NFATC3: variants seen among roughly 807,000 people sequenced by gnomAD.
NFATC3 encodes nuclear factor of activated T-cells, cytoplasmic 3.
Under a neutral mutation model 98.6 loss-of-function variants are expected in NFATC3, and 46 were observed. That is an observed-to-expected ratio of 0.47 (90% CI 0.37 to 0.60). NFATC3 has a LOEUF of 0.60. NFATC3 is among the 20% of genes least tolerant of loss of function. NFATC3 has a pLI of 0.00. For missense variants in NFATC3, 1,256 were observed against 1,295.5 expected (o/e 0.97, Z 0.47); for synonymous variants, 512 against 472.2 (o/e 1.08, Z -1.09).
chr16:68,217,818 G>A (rs1219496204), intron 9 of NFATC3: 30 of 1,231,164 alleles, frequency 2.4e-5, no homozygotes, highest in African/African-American at 3.1e-5. Flanking sequence ...AGGAAGATAC[G>A]TACATCGCTT....
chr16:68,176,886 C>T (rs1598511768), intron 6 of NFATC3, among the ~76,000 whole-genome samples: 1 of 152,238 alleles, frequency 6.6e-6, no homozygotes, highest in East Asian at 1.9e-4. Flanking sequence ...CAGAGCTCAC[C>T]TCCAAAACCT....
chr16:68,155,306 T>A (rs559319518), intron 3 of NFATC3, among the ~76,000 whole-genome samples: 1 of 152,294 alleles, frequency 6.6e-6, no homozygotes, highest in South Asian at 2.1e-4. Context: ...TAGTTTTACC[T>A]ACTGAAGGCA....
At chr16:68,097,771 T>C (rs1159806023) in intron 1 of NFATC3, among the ~76,000 whole-genome samples, 2 of 152,238 alleles carry the variant, frequency 1.3e-5, no homozygotes, top group African/African-American at 4.8e-5. Context: ...GTGTACAGTT[T>C]AAGTTTTGAC....
At chr16:68,109,120 G>A (rs2035814271) in intron 1 of NFATC3, among the ~76,000 whole-genome samples, 1 of 152,182 alleles carries the variant, frequency 6.6e-6, no homozygotes. Context: ...TTGAATAGGA[G>A]TGGTGAGATA....
intron 9 of NFATC3, among the ~76,000 whole-genome samples, chr16:68,212,239 GAAA>G (rs936258797): frequency 1.3e-5 from 2 of 152,294 alleles, no homozygotes; most frequent in African/African-American, 4.8e-5. Context: ...GCTTAAGTCA[GAAA>G]AATTTTGCTT....
At chr16:68,193,116 A>G (rs1424184025) in intron 9 of NFATC3, among the ~76,000 whole-genome samples, 1 of 152,154 alleles carries the variant, frequency 6.6e-6, no homozygotes, top group Non-Finnish European at 1.5e-5. Flanking sequence ...TTCCCTAAAC[A>G]ATATAATATT....
Position 68,191,558 on chromosome 16 carries a change from G to A in NFATC3, c.2889G>A (p.Pro963=), listed in dbSNP as rs768334862. 2.4e-5 allele frequency: 38 copies of A among 1,614,032 alleles called. No individual in the cohort carries two copies. The highest frequency in any genetic ancestry group is 3.3e-5 in the Admixed American group (2 of 59,996). The change falls in exon 9 of 10, where the codon CCG becomes CCA. Residue 963 remains proline (P), a synonymous_variant. Coordinates refer to ENST00000346183, the MANE Select transcript of NFATC3 (RefSeq NM_173165.3). ...CTAGCTCAGGAACTGCCTCATCACC[G>A]TCTCCAGCCACCAGAATGCATTCTG... ...QSPSSGTASS[P]SPATRMHSGQ... is the part of the protein sequence containing the mutation.
rs983123394 is a variant in NFATC3 at position 68,123,193 on chromosome 16, C to A, written c.1238+72C>A. 96 of 1,460,400 alleles carry A rather than the reference C, an allele frequency of 6.6e-5. No individual in the cohort carries two copies. The Middle Eastern group carries it at 7.2e-4, about 11-fold the overall frequency. 90.5% of individuals were successfully genotyped at this position (1,460,400 alleles called of 1,614,324 possible). A position where few individuals can be genotyped will look rare whatever the true frequency, so the allele number is the denominator to read the frequency against. ...CATTGGTGGCATATAACTACATTAT[C>A]AGTATATAATGGTTATATAATGGTT... On this transcript the variant is annotated intron_variant, in intron 2 of 9. Coordinates refer to ENST00000346183, the MANE Select transcript of NFATC3 (RefSeq NM_173165.3).
intron 3 of NFATC3, among the ~76,000 whole-genome samples, chr16:68,136,593 A>G (rs2037425396): frequency 6.6e-6 from 1 of 152,170 alleles, no homozygotes; most frequent in South Asian, 2.1e-4. Context: ...TAATCTTTAC[A>G]AAAGTTCTTT....
intron 1 of NFATC3, among the ~76,000 whole-genome samples, chr16:68,102,824 A>G (rs1343137401): frequency 1.3e-5 from 2 of 152,172 alleles, no homozygotes; most frequent in African/African-American, 2.4e-5. Flanking sequence ...CTAGTAATAT[A>G]TGAGGGTTCT....
rs147564248 is a variant in NFATC3 at position 68,107,445 on chromosome 16, G to A, written c.104-14542G>A. 5.9e-3 allele frequency among the ~76,000 whole-genome samples: 896 copies of A among 152,290 alleles called. 10 individuals are homozygous for A. The highest frequency in any genetic ancestry group is 0.021 in the African/African-American group (869 of 41,542). On this transcript the variant is annotated intron_variant, in intron 1 of 9. Transcript: ENST00000346183. ...TTTTTAATGACTGCCATTCTGGGCC[G>A]GGTGTGGTGGCTTACGCCTGTAATC...
chr16:68,161,056 A>T (rs908556989), intron 4 of NFATC3, among the ~76,000 whole-genome samples: 1 of 152,192 alleles, frequency 6.6e-6, no homozygotes, highest in Non-Finnish European at 1.5e-5. Flanking sequence ...CAGATACTCG[A>T]GCAAAACTTT....
chr16:68,215,205 G>A (rs1460189694), intron 9 of NFATC3, among the ~76,000 whole-genome samples: 3 of 152,102 alleles, frequency 2.0e-5, no homozygotes, highest in Non-Finnish European at 4.4e-5. Flanking sequence ...GCTTCCTGAT[G>A]ACCTATCAGA....
intron 5 of NFATC3, among the ~76,000 whole-genome samples, chr16:68,171,835 G>T (rs1180610179): frequency 6.6e-6 from 1 of 151,204 alleles, no homozygotes; most frequent in Middle Eastern, 3.2e-3. Flanking sequence ...TCGCCCAGGG[G>T]TGGAGTGCAG....
chr16:68,176,170 GT>G (rs2039693333), intron 6 of NFATC3, among the ~76,000 whole-genome samples: 3 of 151,992 alleles, frequency 2.0e-5, no homozygotes, highest in African/African-American at 7.3e-5. Context: ...TAGAAATGGG[GT>G]TTCACCATAT....
At chr16:68,150,365 C>T (rs1472434113) in intron 3 of NFATC3, among the ~76,000 whole-genome samples, 1 of 146,924 alleles carries the variant, frequency 6.8e-6, no homozygotes, top group Non-Finnish European at 1.5e-5. Context: ...TCACTTGAAA[C>T]CAAGAGTTTA....
chr16:68,131,896 A>G (rs978939406), intron 3 of NFATC3, among the ~76,000 whole-genome samples: 1 of 151,934 alleles, frequency 6.6e-6, no homozygotes, highest in Non-Finnish European at 1.5e-5. Context: ...AAATCTACCA[A>G]CTCTTCTCAA....
intron 9 of NFATC3, among the ~76,000 whole-genome samples, chr16:68,192,614 T>A (rs2040492860): frequency 6.6e-6 from 1 of 152,108 alleles, no homozygotes. Flanking sequence ...ATCCCAGCAC[T>A]TTGGAAGGCT....
intron 1 of NFATC3, among the ~76,000 whole-genome samples, chr16:68,094,249 G>C (rs1421046499): frequency 6.6e-6 from 1 of 152,068 alleles, no homozygotes; most frequent in African/African-American, 2.4e-5. Flanking sequence ...ATGTTGTCTT[G>C]ATTAGGGTCT....
Sources: allele counts gnomAD v4.1 joint callset (sites outside exome capture counted in the v4.1 genomes callset), GRCh38; gene constraint gnomAD v4.1.1; transcripts MANE v1.5; gene names NCBI Gene and HGNC (gene_info 2026-07-23, HGNC 2026-07-21).